The following EPHA6 variants were observed in gnomAD, a reference collection of about 807,000 sequenced individuals.
The protein encoded by EPHA6 is EPH receptor A6.
Under a neutral mutation model 112.0 loss-of-function variants are expected in EPHA6, and 50 were observed. That is an observed-to-expected ratio of 0.45 (90% confidence interval 0.36 to 0.56). EPHA6 has a LOEUF of 0.56. EPHA6 is among the 20% of genes least tolerant of loss of function. The pLI is 0.00. For synonymous variants in EPHA6, 529 were observed against 490.7 expected, an observed-to-expected ratio of 1.08 and a Z score of -1.03; for missense variants, 1,280 against 1,417.4, an observed-to-expected ratio of 0.90 and a Z score of 1.56.
chr3:96,878,242 G>T (rs2037092512), intron 2 of EPHA6, among the ~76,000 whole-genome samples: 1 of 151,864 alleles, frequency 6.6e-6, no homozygotes, highest in Admixed American at 6.6e-5. Context: ...ATGACCATAA[G>T]CCCTAGTGGG....
intron 11 of EPHA6, among the ~76,000 whole-genome samples, chr3:97,563,450 G>A (rs555433380): frequency 1.4e-4 from 22 of 152,282 alleles, no homozygotes; most frequent in Non-Finnish European, 2.6e-4. Flanking sequence ...GGTCAGAGAC[G>A]TAAACAGGAG....
chr3:97,369,709 A>G (rs956630029), intron 5 of EPHA6, among the ~76,000 whole-genome samples: 1 of 152,164 alleles, frequency 6.6e-6, no homozygotes, highest in African/African-American at 2.4e-5. Context: ...TCATGGATGT[A>G]ATATAATTTA....
intron 4 of EPHA6, among the ~76,000 whole-genome samples, chr3:97,227,032 T>C (rs1165430987): frequency 6.6e-6 from 1 of 152,164 alleles, no homozygotes; most frequent in Non-Finnish European, 1.5e-5. Context: ...TTAAATGAAT[T>C]GTATTCTTCT....
intron 5 of EPHA6, among the ~76,000 whole-genome samples, chr3:97,387,429 T>C (rs966396954): frequency 6.6e-6 from 1 of 152,014 alleles, no homozygotes; most frequent in Admixed American, 6.6e-5. Flanking sequence ...CCTAAATCAT[T>C]TCTCTCAAGA....
rs2036036551 is a variant in EPHA6, at chr3:97,756,792, T to A, written c.*8091T>A. On this transcript the variant is annotated 3_prime_UTR_variant, in exon 18 of 18. Transcript: ENST00000389672. ...AAATATGAACATGAGTAACATTTGA[T>A]GTAAAGATTATGGTGTGTGCTTGAT... Among the ~76,000 whole-genome samples the A allele has an allele frequency of 6.6e-6, 1 of 151,866 alleles. No homozygotes were observed. Among genetic ancestry groups the A allele is most frequent in the Non-Finnish European group, 1.5e-5 (1 of 67,780 alleles).
chr3:97,370,975 T>G (rs1323517157), intron 5 of EPHA6, among the ~76,000 whole-genome samples: 1 of 152,080 alleles, frequency 6.6e-6, no homozygotes, highest in African/African-American at 2.4e-5. Context: ...TTTCTTCTCT[T>G]GAGTACTTGT....
At chr3:96,998,986 T>C (rs956557702) in intron 3 of EPHA6, among the ~76,000 whole-genome samples, 4 of 151,916 alleles carry the variant, frequency 2.6e-5, no homozygotes, top group Non-Finnish European at 5.9e-5. Flanking sequence ...TTTTCGTTCT[T>C]ACTTTTTGTT....
chr3:97,290,533 GAAA>G (rs2080641114), intron 5 of EPHA6, among the ~76,000 whole-genome samples: 1 of 152,116 alleles, frequency 6.6e-6, no homozygotes, highest in African/African-American at 2.4e-5. Context: ...GTAGGGTATT[GAAA>G]CCCATGTGGG....
In EPHA6 at chr3:97,592,793, A is replaced by G. The variant is rs1575999928; in HGVS notation, c.2512+56A>G. Reference sequence around the variant, plus strand: ...CATATACAGCAGTAGGATTGTGCTCATAGTTGATAGGCCCCAAATACAAAA... The same window carrying G: ...CATATACAGCAGTAGGATTGTGCTCGTAGTTGATAGGCCCCAAATACAAAA... On this transcript the variant is annotated intron_variant, in intron 12 of 17. Transcript: ENST00000389672. 6 of 1,476,438 alleles carry G rather than the reference A, an allele frequency of 4.1e-6. No individual in the cohort carries two copies. The East Asian group carries it at 1.5e-4, about 36-fold the overall frequency. The allele number at this position is 1,476,438 out of a possible 1,614,324, so 91.5% of individuals were successfully genotyped here. A position where few individuals can be genotyped will look rare whatever the true frequency, so the allele number is the denominator to read the frequency against.
chr3:97,368,121 C>T (rs2084844674), intron 5 of EPHA6, among the ~76,000 whole-genome samples: 2 of 152,148 alleles, frequency 1.3e-5, no homozygotes, highest in African/African-American at 4.8e-5. Context: ...TATTGCAAGC[C>T]TTTCCCTAAT....
chr3:96,943,258 A>G (rs1051609438), intron 2 of EPHA6, among the ~76,000 whole-genome samples: 3 of 152,054 alleles, frequency 2.0e-5, no homozygotes, highest in Non-Finnish European at 2.9e-5. Context: ...CTATATTTCA[A>G]AATATCTAGA....
intron 6 of EPHA6, among the ~76,000 whole-genome samples, chr3:97,440,823 A>G (rs528392103): frequency 2.0e-5 from 3 of 151,884 alleles, no homozygotes; most frequent in Admixed American, 6.5e-5. Context: ...TCAAATAAAC[A>G]AGCTTACCTA....
intron 3 of EPHA6, among the ~76,000 whole-genome samples, chr3:97,152,584 A>G (rs915387333): frequency 1.3e-5 from 2 of 151,988 alleles, no homozygotes; most frequent in African/African-American, 2.4e-5. Context: ...TGTGTGTTCA[A>G]TAATATGCAG....
At chr3:97,217,388 A>G (rs1299417782) in intron 3 of EPHA6, among the ~76,000 whole-genome samples, 1 of 152,210 alleles carries the variant, frequency 6.6e-6, no homozygotes, top group South Asian at 2.1e-4. Flanking sequence ...AATAACAAAG[A>G]CATGGGACAA....
chr3:97,166,381 A>AAAT (rs1553714180), intron 3 of EPHA6, among the ~76,000 whole-genome samples: 8 of 152,048 alleles, frequency 5.3e-5, no homozygotes. Flanking sequence ...AAAAAAAAAA[A>AAAT]ATAACAAACG....
intron 3 of EPHA6, among the ~76,000 whole-genome samples, chr3:96,993,358 G>A (rs370668458): frequency 6.7e-6 from 1 of 150,372 alleles, no homozygotes. Flanking sequence ...GTACAGTGGC[G>A]CGATCTTGCC....
chr3:97,007,431 C>CTTTTTTT, intron 3 of EPHA6, among the ~76,000 whole-genome samples: 1 of 146,416 alleles, frequency 6.8e-6, no homozygotes, highest in Non-Finnish European at 1.5e-5. Context: ...GCGGTCCCTG[C>CTTTTTTT]TTTTTTTTTT....
chr3:97,392,042 T>C (rs532289353), intron 5 of EPHA6, among the ~76,000 whole-genome samples: 3 of 151,876 alleles, frequency 2.0e-5, no homozygotes, highest in Non-Finnish European at 4.4e-5. Flanking sequence ...AATGGTCTTT[T>C]AGCTAGCTGC....
At chr3:97,131,496 TAAAC>T (rs1249530849) in intron 3 of EPHA6, among the ~76,000 whole-genome samples, 3 of 152,140 alleles carry the variant, frequency 2.0e-5, no homozygotes, top group Admixed American at 6.5e-5. Context: ...AGTAAAAGAA[TAAAC>T]AAGTAAGTAT....
Sources: gnomAD v4.1 joint callset for allele counts (sites outside exome capture counted in the v4.1 genomes callset) on GRCh38, gnomAD v4.1.1 for gene constraint, MANE v1.5 for transcripts, NCBI Gene and HGNC (gene_info 2026-07-23, HGNC 2026-07-21) for gene names.